ASAP1: variants seen among roughly 807,000 people sequenced by gnomAD.
ASAP1 encodes arf-GAP with SH3 domain, ANK repeat and PH domain-containing protein 1.
ASAP1 carries 43 observed loss-of-function variants against 145.2 expected under a neutral mutation model. That is an observed-to-expected ratio of 0.30 (90% CI 0.23 to 0.38). The LOEUF is 0.38. Among genes scored for constraint, ASAP1 ranks in the 10% least tolerant of loss-of-function variants. The pLI is 1.00. For missense variants in ASAP1, 1,018 were observed against 1,355.3 expected (o/e 0.75, Z 3.91); for synonymous variants, 546 against 515.5 (o/e 1.06, Z -0.80).
chr8:130,157,494 G>T (rs2097660327), intron 12 of ASAP1, among the ~76,000 whole-genome samples: 1 of 152,022 alleles, frequency 6.6e-6, no homozygotes, highest in Admixed American at 6.6e-5. Flanking sequence ...TGGTCTCCTT[G>T]TCTCTGTGCT....
chr8:130,059,524 G>A (rs562038755), intron 28 of ASAP1, among the ~76,000 whole-genome samples: 3 of 152,118 alleles, frequency 2.0e-5, no homozygotes, highest in South Asian at 4.2e-4. Context: ...GTGTAGTGGT[G>A]TGATCACAGC....
intron 26 of ASAP1, among the ~76,000 whole-genome samples, chr8:130,077,898 T>A (rs1025271133): frequency 1.3e-5 from 2 of 152,136 alleles, no homozygotes; most frequent in African/African-American, 4.8e-5. Context: ...GGGCTTTGTT[T>A]CTCTTGAAAG....
intron 12 of ASAP1, among the ~76,000 whole-genome samples, chr8:130,157,876 T>G (rs1355697484): frequency 6.6e-6 from 1 of 152,144 alleles, no homozygotes; most frequent in East Asian, 1.9e-4. Context: ...TCTTTCTCCG[T>G]AGCACTAATT....
intron 11 of ASAP1, among the ~76,000 whole-genome samples, chr8:130,167,037 C>T (rs1456025075): frequency 1.3e-5 from 2 of 152,200 alleles, no homozygotes; most frequent in African/African-American, 4.8e-5. Context: ...GGCACAGTGG[C>T]TCATGTCTGT....
At chr8:130,282,559 T>G (rs565403736) in intron 3 of ASAP1, among the ~76,000 whole-genome samples, 2 of 152,352 alleles carry the variant, frequency 1.3e-5, no homozygotes, top group South Asian at 4.1e-4. Flanking sequence ...CTGCAAGCAC[T>G]TAATAAGATC....
intron 3 of ASAP1, among the ~76,000 whole-genome samples, chr8:130,284,709 T>G (rs1348361696): frequency 6.6e-6 from 1 of 151,984 alleles, no homozygotes; most frequent in Non-Finnish European, 1.5e-5. Flanking sequence ...CTGTTAAGTT[T>G]ATCTCTGTAA....
At chr8:130,363,427 G>T (rs1156419411) in intron 2 of ASAP1, among the ~76,000 whole-genome samples, 1 of 152,116 alleles carries the variant, frequency 6.6e-6, no homozygotes, top group Non-Finnish European at 1.5e-5. Context: ...ACCATGACCT[G>T]CTACGTACCA....
chr8:130,146,330 G>T (rs182790041), intron 13 of ASAP1, among the ~76,000 whole-genome samples: 1 of 151,816 alleles, frequency 6.6e-6, no homozygotes, highest in African/African-American at 2.4e-5. Flanking sequence ...ATATACCTTC[G>T]TATATGCTAA....
intron 3 of ASAP1, among the ~76,000 whole-genome samples, chr8:130,356,115 AAACT>A (rs1826291676): frequency 6.6e-6 from 1 of 152,226 alleles, no homozygotes; most frequent in Non-Finnish European, 1.5e-5. Flanking sequence ...TATTAACCTT[AAACT>A]AACATCAACA....
rs575864007 is a variant in ASAP1, at chr8:130,375,748, C to T, written c.60-17605G>A. ...AATCTCCTTTAATTCTTACACTATC[C>T]TGTGAGTGGCATAAGATGTTCCCCA... is the stretch of plus-strand genomic sequence containing the variant. On this transcript the variant is annotated intron_variant, in intron 2 of 29. Coordinates refer to ENST00000518721, the MANE Select transcript of ASAP1 (RefSeq NM_018482.4). Among the ~76,000 whole-genome samples, 5 of 152,236 alleles carry T rather than the reference C, an allele frequency of 3.3e-5. No homozygotes were observed. The South Asian group carries it at 1.0e-3, about 32-fold the overall frequency.
chr8:130,150,175 A>T (rs149164726), intron 13 of ASAP1, among the ~76,000 whole-genome samples: 1 of 152,262 alleles, frequency 6.6e-6, no homozygotes, highest in Non-Finnish European at 1.5e-5. Flanking sequence ...GTTGGCATTC[A>T]GACTCACATC....
At chr8:130,400,654 G>C (rs1044174369) in intron 2 of ASAP1, among the ~76,000 whole-genome samples, 1 of 152,012 alleles carries the variant, frequency 6.6e-6, no homozygotes, top group African/African-American at 2.4e-5. Context: ...AGCTGGGCGT[G>C]ATGGCAGGCG....
At chr8:130,266,681 C>T (rs1820265012) in intron 3 of ASAP1, among the ~76,000 whole-genome samples, 1 of 151,716 alleles carries the variant, frequency 6.6e-6, no homozygotes, top group Non-Finnish European at 1.5e-5. Context: ...AACTAATTTC[C>T]CCAATAATTT....
chr8:130,320,015 G>A (rs890378364), intron 3 of ASAP1, among the ~76,000 whole-genome samples: 12 of 152,098 alleles, frequency 7.9e-5, no homozygotes, highest in Admixed American at 7.2e-4. Context: ...TCTAGTTAAT[G>A]CTATTAGTAT....
intron 3 of ASAP1, among the ~76,000 whole-genome samples, chr8:130,285,908 A>G (rs980167348): frequency 4.6e-5 from 7 of 152,206 alleles, no homozygotes; most frequent in Non-Finnish European, 7.3e-5. Flanking sequence ...ATAATGAGCC[A>G]AGGCTTTACT....
intron 4 of ASAP1, among the ~76,000 whole-genome samples, chr8:130,226,541 A>G (rs540561140): frequency 2.0e-5 from 3 of 152,202 alleles, no homozygotes; most frequent in Non-Finnish European, 2.9e-5. Context: ...ATTCATTTCT[A>G]TAATTTCTCA....
intron 5 of ASAP1, among the ~76,000 whole-genome samples, chr8:130,198,592 T>G (rs1815667207): frequency 6.6e-6 from 1 of 152,160 alleles, no homozygotes; most frequent in Non-Finnish European, 1.5e-5. Flanking sequence ...TGACAGAGGG[T>G]ACTGTATCTA....
intron 3 of ASAP1, among the ~76,000 whole-genome samples, chr8:130,298,476 A>C (rs1250218232): frequency 6.6e-6 from 1 of 152,184 alleles, no homozygotes; most frequent in Non-Finnish European, 1.5e-5. Context: ...TCACTGGGTC[A>C]TGTCTACAAA....
chr8:130,128,878 T>C (rs1324732415), intron 15 of ASAP1, among the ~76,000 whole-genome samples: 1 of 152,180 alleles, frequency 6.6e-6, no homozygotes, highest in African/African-American at 2.4e-5. Flanking sequence ...AATATAGTGT[T>C]TTGTGAAATC....
Sources: gnomAD v4.1 joint callset for allele counts (sites outside exome capture counted in the v4.1 genomes callset) on GRCh38, gnomAD v4.1.1 for gene constraint, MANE v1.5 for transcripts, NCBI Gene and HGNC (gene_info 2026-07-23, HGNC 2026-07-21) for gene names.